The following PRKCSH variants were observed in gnomAD, a reference collection of about 807,000 sequenced individuals.
PRKCSH encodes the protein PRKCSH beta subunit of glucosidase II.
A neutral mutation model predicts 79.7 loss-of-function variants in PRKCSH; 42 were observed. The ratio of observed to expected loss-of-function variants is 0.53; its 90% confidence interval spans 0.41 to 0.68. The LOEUF (loss-of-function observed/expected upper bound fraction) is 0.68, where lower values mean the gene tolerates loss of function less well. Among genes scored for constraint, PRKCSH ranks in the 30% least tolerant of loss-of-function variants. The probability of loss-of-function intolerance (pLI) is 0.00; values close to 1 mark genes in which losing one functional copy is unlikely to be tolerated. For synonymous variants in PRKCSH, 325 were observed against 288.2 expected, an observed-to-expected ratio of 1.13 and a Z score of -1.29; for missense variants, 686 against 709.0, an observed-to-expected ratio of 0.97 and a Z score of 0.37.
At chr19:11,441,091 G>T (rs1568363834) in intron 5 of PRKCSH, 149 bp from the exon 6 acceptor site, 1 of 811,712 alleles carries the variant, frequency 1.2e-6, no homozygotes, top group East Asian at 2.5e-5. Flanking sequence ...GGATGCTGAT[G>T]TTGAGAGAAC....
chr19:11,436,077 C>G lies in PRKCSH; in HGVS notation c.-41C>G. 2.5e-6 allele frequency: 4 copies of G among 1,603,428 alleles called. No homozygotes were observed. The highest frequency in any genetic ancestry group is 1.7e-5 in the Admixed American group (1 of 60,014). On this transcript the variant is annotated 5_prime_UTR_variant, in exon 2 of 18. Coordinates refer to ENST00000677123, the MANE Select transcript of PRKCSH (RefSeq NM_001289104.2). ...AGCGCATCTCCCCGCTGTAGGCTTC[C>G]TCCCACAGAACCCGTTTCGGGCCTC... is the stretch of plus-strand genomic sequence containing the variant.
intron 5 of PRKCSH, among the ~76,000 whole-genome samples, chr19:11,440,099 C>G (rs1274847535): frequency 6.6e-6 from 1 of 151,642 alleles, no homozygotes; most frequent in African/African-American, 2.4e-5. Context: ...GTGTAAAACT[C>G]TCTGGATTCC....
chr19:11,445,303 G>A (rs889565231), intron 7 of PRKCSH, 86 bp from the exon 8 acceptor site: 5 of 1,293,308 alleles, frequency 3.9e-6, no homozygotes, highest in African/African-American at 1.5e-5. Context: ...TATAGTAGGC[G>A]CTTGGTGGCA....
intron 4 of PRKCSH, 46 bp downstream of exon 4, chr19:11,438,017 G>GA (rs1568361467): frequency 6.2e-7 from 1 of 1,613,932 alleles, no homozygotes; most frequent in Non-Finnish European, 8.5e-7. Context: ...TAGAGGGAGG[G>GA]AGGGAGGAGG....
Position 11,435,717 on chromosome 19 carries a change from A to C in PRKCSH, c.-78+11A>C. 7.5e-7 allele frequency: 1 copy of C among 1,326,548 alleles called. No individual in the cohort carries two copies. The highest frequency in any genetic ancestry group is 9.9e-7 in the Non-Finnish European group (1 of 1,014,042). The allele number at this position is 1,326,548 out of a possible 1,614,324, so 82.2% of individuals were successfully genotyped here. On this transcript the variant is annotated intron_variant, in intron 1 of 17. Transcript: ENST00000677123. ...TTGCTCCGGCCTCGTGTAGGTGTGA[A>C]CGAGCGGGTGGGAGGGCACCTCAGT...
At chr19:11,435,839 G>T in intron 1 of PRKCSH, 133 bp downstream of exon 1, 1 of 1,239,568 alleles carries the variant, frequency 8.1e-7, no homozygotes, top group Non-Finnish European at 1.1e-6. Context: ...TCACAATTGG[G>T]CACAGGGAGC....
At chr19:11,442,307 A>G (rs1450524986) in intron 6 of PRKCSH, 79 bp from the exon 7 acceptor site, 5 of 1,505,900 alleles carry the variant, frequency 3.3e-6, no homozygotes, top group Non-Finnish European at 4.5e-6. Context: ...TGCCCTGTGG[A>G]GTAGAGGCAG....
At position 11,435,902 on chromosome 19, in the gene PRKCSH, G is replaced by A. The variant is rs533843962; in HGVS notation, c.-77-139G>A. On this transcript the variant is annotated intron_variant, in intron 1 of 17. Transcript: ENST00000677123. The stretch of plus-strand genomic sequence containing the variant: ...CCATTGATTTGAGCAAAGTGAGACT[G>A]GCCAGGATTGGGGAGATCGCTGCCC... 12 of 929,694 alleles carry A rather than the reference G, an allele frequency of 1.3e-5. No individual in the cohort carries two copies. In the South Asian group the frequency reaches 1.9e-4, roughly 15 times the overall value. The allele number at this position is 929,694 out of a possible 1,614,324, so 57.6% of individuals were successfully genotyped here. A position where few individuals can be genotyped will look rare whatever the true frequency, so the allele number is the denominator to read the frequency against.
rs910196328 is a variant in PRKCSH at position 11,437,202 on chromosome 19, G to GT, written c.197-665dup. Among the ~76,000 whole-genome samples, 347 of 146,730 alleles carry GT rather than the reference G, an allele frequency of 2.4e-3. 2 individuals are homozygous for GT. Among genetic ancestry groups the GT allele is most frequent in the African/African-American group, 6.8e-3 (268 of 39,558 alleles). On this transcript the variant is annotated intron_variant, in intron 3 of 17. Transcript: ENST00000677123. ...AGGCACCCACCACCACGCCCAGCTAGTTTTTTTTTGTATTTTTAGTAGATA... is the reference window on the plus strand; with the variant it reads ...AGGCACCCACCACCACGCCCAGCTAGTTTTTTTTTTGTATTTTTAGTAGATA...
intron 4 of PRKCSH, 35 bp from the exon 5 acceptor site, chr19:11,438,032 G>T: frequency 6.2e-7 from 1 of 1,614,088 alleles, no homozygotes; most frequent in Non-Finnish European, 8.5e-7. Context: ...AGGAGGCACT[G>T]CCAGGTCTGA....
chr19:11,448,878 T>C lies in PRKCSH; in HGVS notation c.1287-36T>C, dbSNP rs1970452012. 1 of 1,612,768 alleles carries C rather than the reference T, an allele frequency of 6.2e-7. No homozygotes were observed. Among genetic ancestry groups the C allele is most frequent in the South Asian group, 1.1e-5 (1 of 91,048 alleles). ...GGCTGTGGGAGGAGGCTGGAATCCC[T>C]GCGTTCCCCAACCCATATGTCCCGG... On this transcript the variant is annotated intron_variant, in intron 14 of 17. Coordinates refer to ENST00000677123, the MANE Select transcript of PRKCSH (RefSeq NM_001289104.2). The surrounding 1 kb of genome is among the most constrained non-coding windows in gnomAD (Gnocchi z 4.4).
intron 7 of PRKCSH, among the ~76,000 whole-genome samples, chr19:11,443,973 A>T (rs954265803): frequency 6.6e-6 from 1 of 152,028 alleles, no homozygotes; most frequent in African/African-American, 2.4e-5. Flanking sequence ...ACGGGGTTTC[A>T]CCGTGTTGGC....
intron 3 of PRKCSH, among the ~76,000 whole-genome samples, chr19:11,437,289 C>T (rs996848534): frequency 2.0e-5 from 3 of 149,168 alleles, no homozygotes; most frequent in African/African-American, 5.0e-5. Context: ...CCACCCGCCT[C>T]GGCCTCCCAA....
In PRKCSH at chr19:11,448,829, G is replaced by C; in HGVS notation, c.1287-85G>C. 3.3e-6 allele frequency: 5 copies of C among 1,525,064 alleles called. No homozygotes were observed. The highest frequency in any genetic ancestry group is 4.5e-6 in the Non-Finnish European group (5 of 1,099,932). 94.5% of individuals were successfully genotyped at this position (1,525,064 alleles called of 1,614,324 possible). A position where few individuals can be genotyped will look rare whatever the true frequency, so the allele number is the denominator to read the frequency against. On this transcript the variant is annotated intron_variant, in intron 14 of 17. Coordinates refer to ENST00000677123, the MANE Select transcript of PRKCSH (RefSeq NM_001289104.2). The surrounding 1 kb of genome is among the most constrained non-coding windows in gnomAD (Gnocchi z 4.4). ...GGAGTTGGAGGTACCCTGTGTGTGG[G>C]GACTGGAGGAGGCGGTGGGGGGTGG...
At position 11,436,383 on chromosome 19, in the gene PRKCSH, C is replaced by T. The variant is rs753599714; in HGVS notation, c.80-6C>T. The T allele has an allele frequency of 2.5e-6, 4 of 1,613,656 alleles. No homozygotes were observed. The highest frequency in any genetic ancestry group is 2.2e-5 in the South Asian group (2 of 91,086). ...TGCCCTGGGCTGAGCTTCCTGTACC[C>T]CGCAGATCATCACTTCTACGATGAG... On this transcript the variant is annotated splice_region_variant and splice_polypyrimidine_tract_variant and intron_variant, in intron 2 of 17. Transcript: ENST00000677123.
intron 5 of PRKCSH, 28 bp from the exon 6 acceptor site, chr19:11,441,212 G>A (rs769242278): frequency 2.5e-6 from 4 of 1,610,846 alleles, no homozygotes; most frequent in Non-Finnish European, 3.4e-6. Flanking sequence ...TGCCCCACTG[G>A]TGGTGCCTGT....
At position 11,447,236 on chromosome 19, in the gene PRKCSH, C is replaced by T; in HGVS notation, c.849+76C>T. On this transcript the variant is annotated intron_variant, in intron 10 of 17. Coordinates refer to ENST00000677123, the MANE Select transcript of PRKCSH (RefSeq NM_001289104.2). The surrounding 1 kb of genome is among the most constrained non-coding windows in gnomAD (Gnocchi z 5.6). ...ACCCCGCCTCACAAAGGAGCTGCCT[C>T]TGGTTCTGGCACCTGGCCACCCTGG... 2 of 1,540,918 alleles carry T rather than the reference C, an allele frequency of 1.3e-6. No homozygotes were observed. The highest frequency in any genetic ancestry group is 1.1e-5 in the South Asian group (1 of 87,758).
At chr19:11,442,621 A>G in intron 7 of PRKCSH, 106 bp downstream of exon 7, 1 of 1,511,270 alleles carries the variant, frequency 6.6e-7, no homozygotes, top group Non-Finnish European at 9.0e-7. Flanking sequence ...CAGGTTTTTG[A>G]TCATGCTGCC....
chr19:11,450,199 G>A (rs1599515811), intron 17 of PRKCSH, among the ~76,000 whole-genome samples: 1 of 151,380 alleles, frequency 6.6e-6, no homozygotes, highest in East Asian at 2.0e-4. Flanking sequence ...TAGGCCAGGC[G>A]TCGTGGCTCA....
Sources: gnomAD v4.1 joint callset for allele counts (sites outside exome capture counted in the v4.1 genomes callset) on GRCh38, gnomAD v4.1.1 for gene constraint, Gnocchi (gnomAD v3.1) non-coding constraint, MANE v1.5 for transcripts, NCBI Gene and HGNC (gene_info 2026-07-23, HGNC 2026-07-21) for gene names.